DNAH2: variants seen among roughly 807,000 people sequenced by gnomAD.
DNAH2 encodes the protein dynein axonemal heavy chain 2, also known as axonemal beta dynein heavy chain 2.
Under a neutral mutation model 523.5 loss-of-function variants are expected in DNAH2, and 323 were observed. The observed-to-expected ratio is 0.62, with a 90% confidence interval of 0.56 to 0.68. The LOEUF (loss-of-function observed/expected upper bound fraction) is 0.68, where lower values mean the gene tolerates loss of function less well. Among genes scored for constraint, DNAH2 ranks in the 30% least tolerant of loss-of-function variants. DNAH2 has a pLI of 0.00. For synonymous variants in DNAH2, 2,093 were observed against 2,177.4 expected, an observed-to-expected ratio of 0.96 and a Z score of 1.08; for missense variants, 4,907 against 5,701.5, an observed-to-expected ratio of 0.86 and a Z score of 4.49.
At chr17:7,765,869 C>T (rs1163163341) in intron 21 of DNAH2, among the ~76,000 whole-genome samples, 1 of 152,062 alleles carries the variant, frequency 6.6e-6, no homozygotes, top group Middle Eastern at 3.2e-3. Context: ...CCTCCGCCTC[C>T]CAGGTTCAAA....
At chr17:7,785,856 G>A (rs1186211966) in intron 39 of DNAH2, among the ~76,000 whole-genome samples, 5 of 151,098 alleles carry the variant, frequency 3.3e-5, no homozygotes, top group Non-Finnish European at 5.9e-5. Flanking sequence ...AAGACACTGT[G>A]TCAATGAGGA....
intron 12 of DNAH2, 131 bp downstream of exon 12, chr17:7,743,273 T>C (rs1177376046): frequency 1.1e-5 from 11 of 1,037,630 alleles, no homozygotes; most frequent in South Asian, 8.2e-5. Flanking sequence ...GCTATCGTCA[T>C]TTTACTTTTT....
chr17:7,798,471 G>A lies in DNAH2; in HGVS notation c.8399-87G>A, dbSNP rs934623033. 6.4e-6 allele frequency: 10 copies of A among 1,566,494 alleles called. No homozygotes were observed. The highest frequency in any genetic ancestry group is 3.6e-5 in the South Asian group (3 of 84,418). The stretch of plus-strand genomic sequence containing the variant: ...TGGTGTCGCGTGTATGCTGCGGGGC[G>A]GGGAGGGTTCCTAAATCTCAGAAAA... On this transcript the variant is annotated intron_variant, in intron 54 of 85. Transcript: ENST00000572933. The surrounding 1 kb of genome is among the most constrained non-coding windows in gnomAD (Gnocchi z 5.5).
rs200425167 is a variant in DNAH2 at position 7,818,914 on chromosome 17, C to G, written c.10671-5C>G. The G allele has an allele frequency of 3.7e-5, 60 of 1,611,536 alleles. No homozygotes were observed. Among genetic ancestry groups the G allele is most frequent in the Non-Finnish European group, 4.8e-5 (56 of 1,178,836 alleles). ...TGCTCCATGTGCCTCTGGGCCTCCCCCTAGGCTGCTGAATGAGGCCACCGG... is the reference window on the plus strand; with the variant it reads ...TGCTCCATGTGCCTCTGGGCCTCCCGCTAGGCTGCTGAATGAGGCCACCGG... On this transcript the variant is annotated splice_polypyrimidine_tract_variant and splice_region_variant and intron_variant, in intron 70 of 85. Coordinates refer to ENST00000572933, the MANE Select transcript of DNAH2 (RefSeq NM_020877.5).
intron 3 of DNAH2, 108 bp downstream of exon 3, chr17:7,723,797 C>A: frequency 2.1e-6 from 2 of 962,956 alleles, no homozygotes; most frequent in South Asian, 2.7e-5. Context: ...GCCACTTCTT[C>A]TACTTGCTCT....
In DNAH2 at chr17:7,802,009, A is replaced by T; in HGVS notation, c.8964A>T (p.Gly2988=). ...TPTKYLELLS[G]YKKLLGEKRQ... ...CCAAATACCTGGAACTCCTGTCTGG[A>T]TATAAGAAGTATGAAGGGGGGCAGG... Residue 2988 remains glycine (G), a synonymous_variant, in exon 58 of 86, where the codon GGA becomes GGT. Transcript: ENST00000572933. The T allele has an allele frequency of 1.2e-6, 2 of 1,614,048 alleles. No individual in the cohort carries two copies. Among genetic ancestry groups the T allele is most frequent in the Non-Finnish European group, 1.7e-6 (2 of 1,179,928 alleles).
intron 39 of DNAH2, among the ~76,000 whole-genome samples, chr17:7,784,877 G>T (rs1039470044): frequency 6.6e-6 from 1 of 152,034 alleles, no homozygotes; most frequent in Non-Finnish European, 1.5e-5. Context: ...AAAGAAACTG[G>T]ACAGAACCAT....
chr17:7,722,958 T>C (rs905131792), intron 2 of DNAH2, among the ~76,000 whole-genome samples: 9 of 149,652 alleles, frequency 6.0e-5, no homozygotes, highest in Non-Finnish European at 8.9e-5. Flanking sequence ...TCTTTTCTTT[T>C]CTTTCCTTTT....
rs1423532053 is a variant in DNAH2, at chr17:7,759,858, C to T, written c.2705C>T (p.Ser902Phe). ...VVNDIGNHLF[S>F]TISVFCHLPD... The stretch of plus-strand genomic sequence containing the variant: ...AATGACATTGGCAACCACCTCTTTT[C>T]CACCATCTCTGTCTTCTGCCACCTC... Residue 902 changes from serine (S) to phenylalanine (F), a missense_variant, in exon 17 of 86, where the codon TCC becomes TTC. By Grantham distance (155) the Ser-to-Phe change is radical (BLOSUM62 -2). This residue lies in a region of DNAH2 where 2,806 missense variants were observed against 3,190.8 expected (regional missense o/e 0.88). Coordinates refer to ENST00000572933, the MANE Select transcript of DNAH2 (RefSeq NM_020877.5). The T allele has an allele frequency of 1.9e-6, 3 of 1,614,094 alleles. No homozygotes were observed. The highest frequency in any genetic ancestry group is 2.7e-5 in the African/African-American group (2 of 74,918).
chr17:7,819,047 C>A lies in DNAH2; in HGVS notation c.10799C>A (p.Thr3600Asn). The A allele has an allele frequency of 1.2e-6, 2 of 1,605,410 alleles. No individual in the cohort carries two copies. The highest frequency in any genetic ancestry group is 1.7e-6 in the Non-Finnish European group (2 of 1,178,726). Residue 3600 changes from threonine (T) to asparagine (N), a missense_variant, in exon 71 of 86, where the codon ACT becomes AAT. Around this residue, in one of 3 missense-constraint regions of DNAH2, gnomAD observed 1,851 missense variants for 2,139.4 expected, o/e 0.87. Transcript: ENST00000572933. ...LETSETTEIN[T>N]DLAREAYRPC... Reference sequence around the variant, plus strand: ...ACCAGTGAGACCACAGAGATCAACACTGACTTGGCGCGGGAGGTAAGCTCC... The same window carrying A: ...ACCAGTGAGACCACAGAGATCAACAATGACTTGGCGCGGGAGGTAAGCTCC...
In DNAH2 at chr17:7,740,978, G is replaced by A. The variant is rs1314215665; in HGVS notation, c.1675G>A (p.Asp559Asn). The A allele has an allele frequency of 2.5e-6, 4 of 1,603,336 alleles. No individual in the cohort carries two copies. Among genetic ancestry groups the A allele is most frequent in the African/African-American group, 1.3e-5 (1 of 74,860 alleles). ...RWVHILRRRI[D>N]RVMTCLAGAH... ...GGTGCACATCCTCCGGCGTCGCATC[G>A]ACAGAGTCATGACCGTAAGTGCCTG... The change falls in exon 11 of 86, where the codon GAC (aspartate) becomes AAC (asparagine). Residue 559 changes from aspartate (D) to asparagine (N), a missense_variant. By Grantham distance (23) the Asp-to-Asn change is conservative (BLOSUM62 1). This residue lies in a region of DNAH2 where 2,806 missense variants were observed against 3,190.8 expected (regional missense o/e 0.88). Transcript: ENST00000572933.
chr17:7,761,975 A>G (rs12453814), intron 18 of DNAH2, among the ~76,000 whole-genome samples: 8,527 of 152,154 alleles, frequency 0.056, 391 homozygotes, highest in Admixed American at 0.12. Flanking sequence ...GGAAGATAAA[A>G]GTATCGCTGA....
At position 7,797,192 on chromosome 17, in the gene DNAH2, T is replaced by C; in HGVS notation, c.7880T>C (p.Leu2627Pro). Reference protein sequence around the residue: ...RDISKVFQGMLRANKDFHDTK... With the variant: ...RDISKVFQGMPRANKDFHDTK... ...TCTTCCCAGGTGTTCCAGGGCATGC[T>C]TAGAGCCAACAAGGACTTCCATGAT... The change falls in exon 51 of 86, where the codon CTT becomes CCT. Residue 2627 changes from leucine (L) to proline (P), a missense_variant. By Grantham distance (98) the Leu-to-Pro change is moderately conservative. Coordinates refer to ENST00000572933, the MANE Select transcript of DNAH2 (RefSeq NM_020877.5). 4 of 1,613,884 alleles carry C rather than the reference T, an allele frequency of 2.5e-6. No homozygotes were observed. The highest frequency in any genetic ancestry group is 3.4e-6 in the Non-Finnish European group (4 of 1,179,938).
At chr17:7,738,158 C>G (rs939517394) in intron 8 of DNAH2, 2 of 701,162 alleles carry the variant, frequency 2.9e-6, no homozygotes, top group African/African-American at 1.7e-5. Flanking sequence ...TGTCTCAACT[C>G]CCTTGTCAGC....
intron 10 of DNAH2, 92 bp downstream of exon 10, chr17:7,740,641 C>G: frequency 6.4e-7 from 1 of 1,567,886 alleles, no homozygotes; most frequent in Non-Finnish European, 8.6e-7. Flanking sequence ...CACGTGTGCC[C>G]TTCTCCATGT....
At chr17:7,814,198 A>AC (rs2077596164) in intron 63 of DNAH2, among the ~76,000 whole-genome samples, 1 of 151,590 alleles carries the variant, frequency 6.6e-6, no homozygotes, top group Non-Finnish European at 1.5e-5. Flanking sequence ...AAAAAAAAAA[A>AC]AAAAAACAGA....
In DNAH2 at chr17:7,780,213, G is replaced by A. The variant is rs2076565886; in HGVS notation, c.5779G>A (p.Ala1927Thr). 1 of 1,614,166 alleles carries A rather than the reference G, an allele frequency of 6.2e-7. No individual in the cohort carries two copies. Among genetic ancestry groups the A allele is most frequent in the African/African-American group, 1.3e-5 (1 of 75,050 alleles). Residue 1927 changes from alanine (A) to threonine (T), a missense_variant, in exon 37 of 86, where the codon GCC (alanine) becomes ACC (threonine). Ala to Thr is a moderately conservative substitution (Grantham distance 58). Around this residue, in one of 3 missense-constraint regions of DNAH2, gnomAD observed 2,806 missense variants for 3,190.8 expected, o/e 0.88. Coordinates refer to ENST00000572933, the MANE Select transcript of DNAH2 (RefSeq NM_020877.5). This position sits in a 1 kb window ranked among gnomAD's most constrained non-coding sequence, Gnocchi z 4.4. Reference sequence around the variant, plus strand: ...TCTTAAATCCATGTTCCGCCCAATTGCCATGGTGGTGCCTGACTCCACCCT... The same window carrying A: ...TCTTAAATCCATGTTCCGCCCAATTACCATGGTGGTGCCTGACTCCACCCT... Reference protein sequence around the residue: ...ENLKSMFRPIAMVVPDSTLIA... With the variant: ...ENLKSMFRPITMVVPDSTLIA...
intron 44 of DNAH2, among the ~76,000 whole-genome samples, chr17:7,790,285 G>A (rs1390728648): frequency 6.6e-6 from 1 of 152,218 alleles, no homozygotes; most frequent in African/African-American, 2.4e-5. Context: ...GCTGAGTGCT[G>A]TGGTGTGATC....
intron 59 of DNAH2, among the ~76,000 whole-genome samples, 179 bp downstream of exon 59, chr17:7,804,645 A>C (rs2077316813): frequency 6.6e-6 from 1 of 152,184 alleles, no homozygotes; most frequent in East Asian, 1.9e-4. Context: ...CAGGAGTTCG[A>C]GACCAACTTG....
Sources: gnomAD v4.1 joint callset for allele counts (sites outside exome capture counted in the v4.1 genomes callset) on GRCh38, gnomAD v4.1.1 for gene constraint, gnomAD v4.1.1 regional missense constraint, Gnocchi (gnomAD v3.1) non-coding constraint, MANE v1.5 for transcripts, NCBI Gene and HGNC (gene_info 2026-07-23, HGNC 2026-07-21) for gene names.